THOP1: variants seen among roughly 807,000 people sequenced by gnomAD.
The protein encoded by THOP1 is thimet oligopeptidase.
In THOP1, 49 loss-of-function variants were observed where a neutral mutation model predicts 71.8. The observed-to-expected ratio is 0.68, with a 90% confidence interval of 0.54 to 0.87. THOP1 has a LOEUF of 0.87. Among genes scored for constraint, THOP1 ranks in the 40% least tolerant of loss-of-function variants. The pLI is 0.00. For synonymous variants in THOP1, 426 were observed against 421.5 expected (o/e 1.01, Z -0.13); for missense variants, 843 against 975.6 (o/e 0.86, Z 1.81).
rs145800971 is a variant in THOP1 at position 2,795,206 on chromosome 19, C to T, written c.378+294C>T. On this transcript the variant is annotated intron_variant, in intron 3 of 12. Coordinates refer to ENST00000307741, the MANE Select transcript of THOP1 (RefSeq NM_003249.5). ...AACTCCTGACCTCAGGTGATCCGCC[C>T]GCCTTGGCCTCCCAAAGTGCTGGGA... 3.0e-3 allele frequency among the ~76,000 whole-genome samples: 458 copies of T among 152,326 alleles called. 3 individuals are homozygous for T. The highest frequency in any genetic ancestry group is 0.01 in the African/African-American group (432 of 41,568).
intron 9 of THOP1, among the ~76,000 whole-genome samples, chr19:2,809,223 C>T (rs371464371): frequency 1.6e-4 from 25 of 152,310 alleles, no homozygotes; most frequent in African/African-American, 5.5e-4. Flanking sequence ...ACAGCGCTGA[C>T]GGGTTCACGT....
chr19:2,811,625 A>G lies in THOP1; in HGVS notation c.1799A>G (p.His600Arg). Residue 600 changes from histidine (H) to arginine (R), a missense_variant, in exon 12 of 13, where the codon CAT becomes CGT. By Grantham distance (29) the His-to-Arg change is conservative. Coordinates refer to ENST00000307741, the MANE Select transcript of THOP1 (RefSeq NM_003249.5). ...PGTNMPATFG[H>R]LAGGYDAQYY... is the part of the protein sequence containing the mutation. ...ACCAACATGCCTGCAACCTTCGGCC[A>G]TCTGGCAGGTGGCTACGACGCCCAG... 1 of 1,613,332 alleles carries G rather than the reference A, an allele frequency of 6.2e-7. No individual in the cohort carries two copies. The highest frequency in any genetic ancestry group is 8.5e-7 in the Non-Finnish European group (1 of 1,179,902).
intron 5 of THOP1, 70 bp downstream of exon 5, chr19:2,799,861 G>C: frequency 7.2e-7 from 1 of 1,386,274 alleles, no homozygotes; most frequent in Non-Finnish European, 1.0e-6. Flanking sequence ...CCAGGCCCTC[G>C]GGGGCCGCCG....
At position 2,805,554 on chromosome 19, in the gene THOP1, T is replaced by C. The variant is rs1916268924; in HGVS notation, c.750+378T>C. 6.6e-6 allele frequency among the ~76,000 whole-genome samples: 1 copy of C among 152,172 alleles called. No individual in the cohort carries two copies. The highest frequency in any genetic ancestry group is 1.5e-5 in the Non-Finnish European group (1 of 68,006). ...GATGGTGCCCGGACCTGAGCCTGGG[T>C]CCACAGGTGGGTTGTGACTGGGCTA... On this transcript the variant is annotated intron_variant, in intron 6 of 12. Transcript: ENST00000307741. This position sits in a 1 kb window ranked among gnomAD's most constrained non-coding sequence, Gnocchi z 6.6.
chr19:2,788,581 C>T (rs1483738609), intron 1 of THOP1, among the ~76,000 whole-genome samples: 1 of 152,196 alleles, frequency 6.6e-6, no homozygotes, highest in Admixed American at 6.5e-5. Flanking sequence ...CAGGTCCAAG[C>T]GGTTCTCCTG....
intron 5 of THOP1, among the ~76,000 whole-genome samples, chr19:2,800,934 C>T (rs957617705): frequency 3.9e-5 from 6 of 152,144 alleles, no homozygotes; most frequent in Non-Finnish European, 5.9e-5. Flanking sequence ...CAGAAGGACT[C>T]GGTGCCTGAT....
rs755375025 is a variant in THOP1, at chr19:2,808,310, C to T, written c.1321C>T (p.Arg441Cys). Residue 441 changes from arginine (R) to cysteine (C), a missense_variant, in exon 9 of 13, where the codon CGC becomes TGC. Transcript: ENST00000307741. Reference protein sequence around the residue: ...QPGCLRQDGSRQIAIAAMVAN... With the variant: ...QPGCLRQDGSCQIAIAAMVAN... ...CGGCTGCCTGCGGCAGGATGGGAGC[C>T]GCCAGATCGCCATCGCGGCCATGGT... The T allele has an allele frequency of 5.7e-6, 9 of 1,580,334 alleles. No individual in the cohort carries two copies. The highest frequency in any genetic ancestry group is 5.4e-5 in the Admixed American group (3 of 55,054).
chr19:2,804,901 A>T lies in THOP1; in HGVS notation c.590-115A>T, dbSNP rs2144775670. On this transcript the variant is annotated intron_variant, in intron 5 of 12. Transcript: ENST00000307741. This position sits in a 1 kb window ranked among gnomAD's most constrained non-coding sequence, Gnocchi z 4.7. ...GTGGCCAGGCTGCAGCTGCTCGCTG[A>T]GGGCCCCCTTGTAGCTTTCCAGGCA... 1.9e-6 allele frequency: 2 copies of T among 1,061,228 alleles called. No homozygotes were observed. The highest frequency in any genetic ancestry group is 2.8e-5 in the East Asian group (1 of 35,648). 65.7% of individuals were successfully genotyped at this position (1,061,228 alleles called of 1,614,324 possible).
chr19:2,792,406 C>T (rs1915905150), intron 2 of THOP1, among the ~76,000 whole-genome samples: 1 of 152,028 alleles, frequency 6.6e-6, no homozygotes, highest in South Asian at 2.1e-4. Context: ...CTCAAGCTTC[C>T]TGCCTGCCTT....
At chr19:2,786,296 A>G (rs1463822363) in intron 1 of THOP1, among the ~76,000 whole-genome samples, 1 of 152,104 alleles carries the variant, frequency 6.6e-6, no homozygotes, top group African/African-American at 2.4e-5. Flanking sequence ...CCCAAGCGGG[A>G]GTGCAGTGGT....
At chr19:2,812,916 G>A (rs1916516805) in intron 12 of THOP1, among the ~76,000 whole-genome samples, 199 bp from the exon 13 acceptor site, 1 of 152,172 alleles carries the variant, frequency 6.6e-6, no homozygotes, top group Non-Finnish European at 1.5e-5. Flanking sequence ...GCCCCTCAGT[G>A]CACACCCCCG....
rs764198320 is a variant in THOP1, at chr19:2,785,613, G to A, written c.-50G>A. 2.0e-6 allele frequency: 3 copies of A among 1,499,866 alleles called. No homozygotes were observed. In the African/African-American group the frequency reaches 4.3e-5, roughly 22 times the overall value. The allele number at this position is 1,499,866 out of a possible 1,614,324, so 92.9% of individuals were successfully genotyped here. ...GCCTCAGTGGCCGAGGTGGCTGGAC[G>A]CGTAGCAGGTGGAAGGAGGGAGGGA... On this transcript the variant is annotated 5_prime_UTR_variant, in exon 1 of 13. Transcript: ENST00000307741.
rs917223882 is a variant in THOP1, at chr19:2,785,606, G to A, written c.-57G>A. 1.3e-6 allele frequency: 2 copies of A among 1,493,322 alleles called. No individual in the cohort carries two copies. Among genetic ancestry groups the A allele is most frequent in the Non-Finnish European group, 1.8e-6 (2 of 1,122,866 alleles). 92.5% of individuals were successfully genotyped at this position (1,493,322 alleles called of 1,614,324 possible). ...GCAGGCGGCCTCAGTGGCCGAGGTG[G>A]CTGGACGCGTAGCAGGTGGAAGGAG... is the stretch of plus-strand genomic sequence containing the variant. On this transcript the variant is annotated 5_prime_UTR_variant, in exon 1 of 13. Transcript: ENST00000307741.
chr19:2,807,918 C>T (rs1916349815), intron 8 of THOP1, 110 bp downstream of exon 8: 1 of 1,269,786 alleles, frequency 7.9e-7, no homozygotes, highest in South Asian at 1.6e-5. Context: ...CATGGGGCCT[C>T]GGGGATGAAC....
Position 2,797,541 on chromosome 19 carries a change from T to C in THOP1, c.486+1353T>C, listed in dbSNP as rs141388797. Among the ~76,000 whole-genome samples, 1,101 of 152,334 alleles carry C rather than the reference T, an allele frequency of 7.2e-3. 12 individuals carry two copies. Among genetic ancestry groups the C allele is most frequent in the Non-Finnish European group, 0.012 (799 of 68,038 alleles). The stretch of plus-strand genomic sequence containing the variant: ...GACGCAGGCAAACTGAAAACCGAAG[T>C]TACATGAGATACCCAACACCTCATA... On this transcript the variant is annotated intron_variant, in intron 4 of 12. Coordinates refer to ENST00000307741, the MANE Select transcript of THOP1 (RefSeq NM_003249.5).
intron 2 of THOP1, among the ~76,000 whole-genome samples, 196 bp downstream of exon 2, chr19:2,790,829 G>A (rs572397890): frequency 1.2e-4 from 19 of 152,374 alleles, no homozygotes; most frequent in African/African-American, 4.1e-4. Context: ...GGGCGGAAGC[G>A]TCTGGCAGGT....
chr19:2,812,317 C>T lies in THOP1; in HGVS notation c.1908+583C>T, dbSNP rs546013949. On this transcript the variant is annotated intron_variant, in intron 12 of 12. Transcript: ENST00000307741. ...CTCACAAGGAACAGGTGGCTACCAG[C>T]TTTGAGGGCCGGCCCTGCCCTGCCT... 3.1e-5 allele frequency: 47 copies of T among 1,535,392 alleles called. No homozygotes were observed. The African/African-American group carries it at 5.5e-4, about 18-fold the overall frequency.
In THOP1 at chr19:2,810,669, G is replaced by A. The variant is rs1331602144; in HGVS notation, c.1672G>A (p.Ala558Thr). 6 of 1,561,558 alleles carry A rather than the reference G, an allele frequency of 3.8e-6. No individual in the cohort carries two copies. Among genetic ancestry groups the A allele is most frequent in the South Asian group, 1.2e-5 (1 of 85,250 alleles). The change falls in exon 11 of 13, where the codon GCC becomes ACC. Residue 558 changes from alanine to threonine, a missense_variant. Physicochemically the swap from Ala to Thr is moderately conservative, Grantham distance 58. Coordinates refer to ENST00000307741, the MANE Select transcript of THOP1 (RefSeq NM_003249.5). Reference sequence around the variant, plus strand: ...CTTCAACCTGCGCCAGATCGTCCTCGCCAAGGTGGACCAGGCCCTGCACAC... The same window carrying A: ...CTTCAACCTGCGCCAGATCGTCCTCACCAAGGTGGACCAGGCCCTGCACAC... ...GLFNLRQIVL[A>T]KVDQALHTQT...
intron 2 of THOP1, among the ~76,000 whole-genome samples, chr19:2,792,487 A>C: frequency 1.5e-5 from 2 of 129,416 alleles, no homozygotes; most frequent in Non-Finnish European, 3.2e-5. Flanking sequence ...AAACACACGG[A>C]GCCTCCTCCA....
Sources: allele counts gnomAD v4.1 joint callset (sites outside exome capture counted in the v4.1 genomes callset), GRCh38; gene constraint gnomAD v4.1.1; non-coding constraint Gnocchi (gnomAD v3.1); transcripts MANE v1.5; gene names NCBI Gene and HGNC (gene_info 2026-07-23, HGNC 2026-07-21).